Variants in RARB observed in about 807,000 individuals in gnomAD.
The protein encoded by RARB is retinoic acid receptor beta.
Under a neutral mutation model 51.9 loss-of-function variants are expected in RARB, and 17 were observed. The observed-to-expected ratio is 0.33, with a 90% confidence interval of 0.22 to 0.49. The LOEUF (loss-of-function observed/expected upper bound fraction) is 0.49, where lower values mean the gene tolerates loss of function less well. Among genes scored for constraint, RARB ranks in the 20% least tolerant of loss-of-function variants. The pLI is 0.99. For synonymous variants in RARB, 215 were observed against 195.4 expected, an observed-to-expected ratio of 1.10 and a Z score of -0.84; for missense variants, 369 against 550.8, an observed-to-expected ratio of 0.67 and a Z score of 3.30.
At chr3:24,849,252 A>G (rs569560045) in intron 1 of RARB, among the ~76,000 whole-genome samples, 1 of 152,348 alleles carries the variant, frequency 6.6e-6, no homozygotes, top group South Asian at 2.1e-4. Flanking sequence ...AAAATATGGC[A>G]TTGTACTATA....
chr3:25,325,617 T>G (rs1361007265), intron 5 of RARB, among the ~76,000 whole-genome samples: 1 of 151,964 alleles, frequency 6.6e-6, no homozygotes, highest in Non-Finnish European at 1.5e-5. Context: ...TTATCCTTCC[T>G]CTGCTGCCAA....
At chr3:25,212,159 A>G (rs1251817106) in intron 5 of RARB, among the ~76,000 whole-genome samples, 1 of 152,228 alleles carries the variant, frequency 6.6e-6, no homozygotes, top group Non-Finnish European at 1.5e-5. Flanking sequence ...TAAAAAGTTT[A>G]CCTAAACTCT....
intron 3 of RARB, among the ~76,000 whole-genome samples, chr3:25,502,969 GTGTCT>G (rs1697393161): frequency 6.6e-6 from 1 of 152,232 alleles, no homozygotes; most frequent in Admixed American, 6.5e-5. Context: ...TTTGGAATGA[GTGTCT>G]TGTTAATATT....
At chr3:25,339,190 A>C (rs1487417435) in intron 5 of RARB, among the ~76,000 whole-genome samples, 3 of 152,196 alleles carry the variant, frequency 2.0e-5, no homozygotes, top group Non-Finnish European at 2.9e-5. Context: ...TCCTACCGAA[A>C]CAAACCTCAC....
At chr3:24,863,708 CTT>C (rs747890755) in intron 2 of RARB, among the ~76,000 whole-genome samples, 1 of 143,638 alleles carries the variant, frequency 7.0e-6, no homozygotes, top group African/African-American at 2.5e-5. Flanking sequence ...ACAAGTTTGA[CTT>C]TTTTTTTTTT....
intron 1 of RARB, among the ~76,000 whole-genome samples, chr3:24,853,592 C>T (rs989272104): frequency 6.6e-6 from 1 of 152,120 alleles, no homozygotes; most frequent in African/African-American, 2.4e-5. Flanking sequence ...AAAGTCCAGT[C>T]AAATGTTAAA....
intron 5 of RARB, among the ~76,000 whole-genome samples, chr3:25,418,773 C>T (rs547176451): frequency 6.6e-6 from 1 of 152,130 alleles, no homozygotes; most frequent in South Asian, 2.1e-4. Flanking sequence ...TAAGAGAAAA[C>T]ATCAAGCATA....
chr3:25,065,762 C>T (rs1183506732), intron 3 of RARB, among the ~76,000 whole-genome samples: 1 of 152,178 alleles, frequency 6.6e-6, no homozygotes, highest in Non-Finnish European at 1.5e-5. Context: ...GGGTCACACA[C>T]ATGAAGAATG....
intron 2 of RARB, among the ~76,000 whole-genome samples, chr3:24,999,366 T>A (rs1697109786): frequency 6.6e-6 from 1 of 152,172 alleles, no homozygotes; most frequent in Non-Finnish European, 1.5e-5. Context: ...TATCAGATTT[T>A]GCTGGTGTGC....
At chr3:25,483,970 TAATTC>T (rs1696352027) in intron 2 of RARB, among the ~76,000 whole-genome samples, 1 of 152,232 alleles carries the variant, frequency 6.6e-6, no homozygotes, top group Admixed American at 6.5e-5. Flanking sequence ...TTATAAATGT[TAATTC>T]AATTGCAGAT....
At position 25,186,885 on chromosome 3, in the gene RARB, C is replaced by CTGTGTGTGTGTG. The variant is rs71057702; in HGVS notation, c.178+12354_178+12365dup. On this transcript the variant is annotated intron_variant, in intron 5 of 11. Coordinates refer to the RARB transcript ENST00000383772. ...TGAAGACCCAAAGAAAAAGGTAAGC[C>CTGTGTGTGTGTG]TGTGTGTGTGTGTGTGTGTGTGTGT... Among the ~76,000 whole-genome samples the CTGTGTGTGTGTG allele has an allele frequency of 7.6e-3, 864 of 114,248 alleles. 22 individuals are homozygous for CTGTGTGTGTGTG. The highest frequency in any genetic ancestry group is 0.016 in the East Asian group (53 of 3,362). The allele number at this position is 114,248 out of a possible 152,430, so 75.0% of individuals were successfully genotyped here.
At chr3:25,498,601 A>G (rs1335208097) in intron 2 of RARB, among the ~76,000 whole-genome samples, 1 of 152,230 alleles carries the variant, frequency 6.6e-6, no homozygotes, top group Non-Finnish European at 1.5e-5. Context: ...AATTAGTGAC[A>G]TAAAGTTCTT....
intron 3 of RARB, among the ~76,000 whole-genome samples, chr3:25,128,130 A>G (rs1004282785): frequency 1.3e-5 from 2 of 152,072 alleles, no homozygotes; most frequent in African/African-American, 4.8e-5. Flanking sequence ...TGCTTTTCTT[A>G]GGGGTTCTAA....
chr3:25,353,203 A>G (rs984810024), intron 5 of RARB, among the ~76,000 whole-genome samples: 4 of 152,090 alleles, frequency 2.6e-5, no homozygotes, highest in East Asian at 3.9e-4. Context: ...ACCTCTTTCA[A>G]TGGTAAGTGG....
intron 1 of RARB, among the ~76,000 whole-genome samples, chr3:24,842,546 T>C (rs1702432225): frequency 6.6e-6 from 1 of 152,208 alleles, no homozygotes; most frequent in African/African-American, 2.4e-5. Flanking sequence ...TTATATTCTT[T>C]GGCAGGCCGT....
At chr3:24,920,813 C>A (rs969164961) in intron 2 of RARB, among the ~76,000 whole-genome samples, 3 of 152,306 alleles carry the variant, frequency 2.0e-5, no homozygotes, top group Non-Finnish European at 4.4e-5. Flanking sequence ...CTCACTTTGT[C>A]AATCTACTTC....
At chr3:25,329,007 G>A (rs560543596) in intron 5 of RARB, among the ~76,000 whole-genome samples, 1 of 152,256 alleles carries the variant, frequency 6.6e-6, no homozygotes, top group East Asian at 1.9e-4. Flanking sequence ...GGCTTGAGTA[G>A]GTAAACAAAG....
chr3:25,545,677 G>T (rs1464833026), intron 3 of RARB, among the ~76,000 whole-genome samples: 2 of 152,138 alleles, frequency 1.3e-5, no homozygotes, highest in African/African-American at 4.8e-5. Flanking sequence ...GCTCCTCCCT[G>T]GGTAGCTACA....
intron 4 of RARB, among the ~76,000 whole-genome samples, chr3:25,148,800 C>T (rs992548750): frequency 1.3e-5 from 2 of 152,048 alleles, no homozygotes; most frequent in African/African-American, 4.8e-5. Flanking sequence ...TAAGTAGTTG[C>T]CAAATATTCC....
Sources: gnomAD v4.1 joint callset for allele counts (sites outside exome capture counted in the v4.1 genomes callset) on GRCh38, gnomAD v4.1.1 for gene constraint, MANE v1.5 for transcripts, NCBI Gene and HGNC (gene_info 2026-07-23, HGNC 2026-07-21) for gene names.